Variants in NLN observed in about 807,000 individuals in gnomAD.
The protein encoded by NLN is neurolysin, also known as neurolysin, mitochondrial.
NLN carries 64 observed loss-of-function variants against 79.9 expected under a neutral mutation model. The ratio of observed to expected loss-of-function variants is 0.80; its 90% CI spans 0.65 to 0.99. The LOEUF (loss-of-function observed/expected upper bound fraction) is 0.99. Ranked by LOEUF, NLN falls within the 50% of genes least tolerant of loss-of-function variation. The pLI is 0.00. For synonymous variants in NLN, 267 were observed against 296.6 expected (o/e 0.90, Z 1.02); for missense variants, 835 against 858.7 (o/e 0.97, Z 0.34).
intron 3 of NLN, among the ~76,000 whole-genome samples, chr5:65,774,174 A>C (rs1277772364): frequency 3.3e-5 from 5 of 151,772 alleles, no homozygotes; most frequent in African/African-American, 4.8e-5. Context: ...TGAGAGATGC[A>C]GACAGGGAGA....
intron 3 of NLN, among the ~76,000 whole-genome samples, chr5:65,773,849 G>A (rs1759621871): frequency 6.6e-6 from 1 of 152,176 alleles, no homozygotes; most frequent in African/African-American, 2.4e-5. Flanking sequence ...AGGCTGAGGT[G>A]CGAAGATCTA....
intron 9 of NLN, among the ~76,000 whole-genome samples, chr5:65,805,160 A>G (rs889797795): frequency 3.3e-5 from 5 of 152,172 alleles, no homozygotes; most frequent in Admixed American, 2.6e-4. Flanking sequence ...TCCACCGGCC[A>G]TTTCCCATTT....
chr5:65,724,513 T>C (rs1758412618), intron 1 of NLN, among the ~76,000 whole-genome samples: 1 of 152,236 alleles, frequency 6.6e-6, no homozygotes, highest in African/African-American at 2.4e-5. Context: ...TGCTTCCACC[T>C]TTTGGCTATT....
Position 65,809,715 on chromosome 5 carries a change from T to C in NLN, c.1714+14T>C, listed in dbSNP as rs895466221. 1.3e-6 allele frequency: 2 copies of C among 1,547,722 alleles called. No individual in the cohort carries two copies. Among genetic ancestry groups the C allele is most frequent in the Non-Finnish European group, 1.7e-6 (2 of 1,148,052 alleles). Reference sequence around the variant, plus strand: ...TGGTCAACACAGGTATGACTTCTAATTTTAAAAAGGAAAATAAATTAGAAT... The same window carrying C: ...TGGTCAACACAGGTATGACTTCTAACTTTAAAAAGGAAAATAAATTAGAAT... On this transcript the variant is annotated intron_variant, in intron 10 of 12. Transcript: ENST00000380985.
At position 65,812,350 on chromosome 5, in the gene NLN, T is replaced by G. The variant is rs759875315; in HGVS notation, c.1939T>G (p.Phe647Val). ...GAGTGAAGTATTTTCCATGGATATG[T>G]TTTACAGCTGTTTTAAAAAAGAAGG... is the stretch of plus-strand genomic sequence containing the variant. ...LWSEVFSMDM[F>V]YSCFKKEGIM... Residue 647 changes from phenylalanine (F) to valine (V), a missense_variant, in exon 12 of 13, where the codon TTT becomes GTT. By Grantham distance (50) the Phe-to-Val change is conservative. Coordinates refer to ENST00000380985, the MANE Select transcript of NLN (RefSeq NM_020726.5). 2.6e-6 allele frequency: 4 copies of G among 1,568,520 alleles called. No individual in the cohort carries two copies. Among genetic ancestry groups the G allele is most frequent in the Non-Finnish European group, 3.5e-6 (4 of 1,138,624 alleles).
intron 1 of NLN, among the ~76,000 whole-genome samples, chr5:65,734,010 G>A (rs1323144557): frequency 7.3e-6 from 1 of 137,346 alleles, no homozygotes; most frequent in African/African-American, 2.8e-5. Context: ...CCATTCTCCT[G>A]CCTCAGCCTC....
chr5:65,781,196 TGCCAATACTAAATAAACCA>T (rs1217449266), intron 5 of NLN, 46 bp from the exon 6 acceptor site: 1 of 1,001,358 alleles, frequency 1.0e-6, no homozygotes, highest in Non-Finnish European at 1.5e-6. Flanking sequence ...AAAGGCACCA[TGCCAATACTAAATAAACCA>T]GCAATGAGTG....
chr5:65,813,161 A>G (rs865787530), intron 12 of NLN, among the ~76,000 whole-genome samples: 3 of 152,178 alleles, frequency 2.0e-5, no homozygotes, highest in Admixed American at 2.0e-4. Flanking sequence ...CCTTATACAT[A>G]TGTATTGAAA....
chr5:65,752,240 A>G (rs1759118130), intron 1 of NLN, among the ~76,000 whole-genome samples: 1 of 151,108 alleles, frequency 6.6e-6, no homozygotes, highest in Non-Finnish European at 1.5e-5. Context: ...CCTGTTTCAA[A>G]AAAAAAAAAA....
chr5:65,794,123 G>A (rs1417195065), intron 9 of NLN, among the ~76,000 whole-genome samples: 2 of 152,198 alleles, frequency 1.3e-5, no homozygotes, highest in African/African-American at 4.8e-5. Context: ...AACCCTGAAT[G>A]GAGCAGCAGC....
intron 1 of NLN, among the ~76,000 whole-genome samples, chr5:65,742,804 T>A (rs1328307944): frequency 1.3e-5 from 2 of 152,220 alleles, no homozygotes; most frequent in Non-Finnish European, 2.9e-5. Context: ...TGACTCAAAG[T>A]CTCTTTATGA....
At chr5:65,765,230 A>G (rs370297300) in intron 3 of NLN, among the ~76,000 whole-genome samples, 1 of 152,204 alleles carries the variant, frequency 6.6e-6, no homozygotes, top group Non-Finnish European at 1.5e-5. Flanking sequence ...AAAAATAAAA[A>G]ATAGTGGCCA....
intron 2 of NLN, among the ~76,000 whole-genome samples, chr5:65,760,437 T>G (rs960974606): frequency 2.6e-5 from 4 of 152,218 alleles, no homozygotes; most frequent in Admixed American, 6.5e-5. Context: ...CATGTGCGTG[T>G]ACCATCCTGG....
intron 9 of NLN, among the ~76,000 whole-genome samples, chr5:65,797,308 A>G (rs886750213): frequency 1.3e-5 from 2 of 152,222 alleles, no homozygotes; most frequent in Non-Finnish European, 2.9e-5. Flanking sequence ...GAATTACACT[A>G]AAGCCTTCTT....
chr5:65,792,815 C>T (rs1224167008), intron 9 of NLN, 160 bp downstream of exon 9: 2 of 690,224 alleles, frequency 2.9e-6, no homozygotes, highest in Non-Finnish European at 5.3e-6. Flanking sequence ...TTATCCTGTC[C>T]TCTTTCACAA....
In NLN at chr5:65,828,743, C is replaced by T. The variant is rs1245094956; in HGVS notation, c.*5828C>T. 6.6e-6 allele frequency: 1 copy of T among 152,150 alleles called. No homozygotes were observed. The highest frequency in any genetic ancestry group is 1.5e-5 in the Non-Finnish European group (1 of 68,040). The allele number at this position is 152,150 out of a possible 1,614,324, so 9.4% of individuals were successfully genotyped here. On this transcript the variant is annotated 3_prime_UTR_variant, in exon 13 of 13. Transcript: ENST00000380985. ...CCTTGAGTTGACATTTGTGCCAAAC[C>T]GGCTTTTAGGGCTTCTCCAGCTTTT...
chr5:65,766,826 T>G (rs1356995276), intron 3 of NLN, among the ~76,000 whole-genome samples: 1 of 152,198 alleles, frequency 6.6e-6, no homozygotes, highest in Non-Finnish European at 1.5e-5. Context: ...TGGGAGAAAT[T>G]GGCCAAAACA....
Position 65,809,512 on chromosome 5 carries a change from T to C in NLN, c.1528-3T>C, listed in dbSNP as rs1760494358. 5 of 1,588,972 alleles carry C rather than the reference T, an allele frequency of 3.1e-6. No homozygotes were observed. Among genetic ancestry groups the C allele is most frequent in the Non-Finnish European group, 4.3e-6 (5 of 1,171,040 alleles). On this transcript the variant is annotated splice_polypyrimidine_tract_variant and splice_region_variant and intron_variant, in intron 9 of 12. Transcript: ENST00000380985. ...AAAAAAATTCTCTGTGTTTGCTTTC[T>C]AGACTGATTTTGCACGATTTAGCGG...
chr5:65,722,251 A>C lies in NLN; in HGVS notation c.-123A>C. On this transcript the variant is annotated 5_prime_UTR_variant, in exon 1 of 13. Transcript: ENST00000380985. ...GCACGTGGGAGGGCGCTGGCCAGGC[A>C]GCCACTGTGGCCTCTGCGGCTAGGC... is the stretch of plus-strand genomic sequence containing the variant. 3.3e-6 allele frequency: 2 copies of C among 597,440 alleles called. No homozygotes were observed. Among genetic ancestry groups the C allele is most frequent in the Non-Finnish European group, 2.6e-6 (1 of 378,912 alleles). The allele number at this position is 597,440 out of a possible 1,614,324, so 37.0% of individuals were successfully genotyped here.
Sources: allele counts gnomAD v4.1 joint callset (sites outside exome capture counted in the v4.1 genomes callset), GRCh38; gene constraint gnomAD v4.1.1; transcripts MANE v1.5; gene names NCBI Gene and HGNC (gene_info 2026-07-23, HGNC 2026-07-21).